PARD3: variants seen among roughly 807,000 people sequenced by gnomAD.
The protein encoded by PARD3 is par-3 family cell polarity regulator.
PARD3 carries 75 observed loss-of-function variants against 155.4 expected under a neutral mutation model. The ratio of observed to expected loss-of-function variants is 0.48; its 90% confidence interval spans 0.40 to 0.58. The LOEUF (loss-of-function observed/expected upper bound fraction) is 0.58, where lower values mean the gene tolerates loss of function less well. Among genes scored for constraint, PARD3 ranks in the 20% least tolerant of loss-of-function variants. The probability of loss-of-function intolerance (pLI) is 0.00; values close to 1 mark genes in which losing one functional copy is unlikely to be tolerated. For synonymous variants in PARD3, 576 were observed against 610.5 expected (o/e 0.94, Z 0.83); for missense variants, 1,642 against 1,721.7 (o/e 0.95, Z 0.82).
intron 12 of PARD3, among the ~76,000 whole-genome samples, chr10:34,366,911 T>C (rs1348509824): frequency 1.3e-5 from 2 of 152,202 alleles, no homozygotes; most frequent in Non-Finnish European, 2.9e-5. Context: ...ATTATAAAGT[T>C]CATTATTCTT....
intron 2 of PARD3, among the ~76,000 whole-genome samples, chr10:34,572,173 A>G (rs899706636): frequency 6.6e-5 from 10 of 152,220 alleles, no homozygotes; most frequent in African/African-American, 2.4e-4. Context: ...CACTAACAAA[A>G]CTAACCAAGA....
chr10:34,597,170 C>T lies in PARD3; in HGVS notation c.223-80011G>A, dbSNP rs185227282. On this transcript the variant is annotated intron_variant, in intron 2 of 24. Transcript: ENST00000374788. The stretch of plus-strand genomic sequence containing the variant: ...TTGGGAAGGGTTTGGTGTTGTCAGT[C>T]GCCTTGGATTTGTGGTGATGGCAGG... 3.1e-3 allele frequency among the ~76,000 whole-genome samples: 473 copies of T among 152,152 alleles called. 7 individuals carry two copies. The highest frequency in any genetic ancestry group is 0.024 in the Middle Eastern group (7 of 294).
intron 3 of PARD3, among the ~76,000 whole-genome samples, chr10:34,480,471 C>G (rs958233126): frequency 2.6e-5 from 4 of 152,166 alleles, no homozygotes; most frequent in African/African-American, 9.7e-5. Flanking sequence ...CTCCTGGCCT[C>G]AAAGTGAAAC....
intron 2 of PARD3, among the ~76,000 whole-genome samples, chr10:34,629,542 A>G (rs1378302155): frequency 6.6e-6 from 1 of 152,248 alleles, no homozygotes; most frequent in Non-Finnish European, 1.5e-5. Flanking sequence ...ATGAAAACTC[A>G]AGAAAGATCA....
At chr10:34,425,899 G>T (rs1309025100) in intron 5 of PARD3, among the ~76,000 whole-genome samples, 2 of 152,138 alleles carry the variant, frequency 1.3e-5, no homozygotes, top group Non-Finnish European at 2.9e-5. Flanking sequence ...TCACTGAAAC[G>T]TTCACAGATG....
intron 23 of PARD3, among the ~76,000 whole-genome samples, chr10:34,123,554 T>C (rs998058368): frequency 2.6e-5 from 4 of 152,150 alleles, no homozygotes. Context: ...CTGTCCTCAG[T>C]AGCCAGGACT....
In PARD3 at chr10:34,523,734, T is replaced by C. The variant is rs1027282962; in HGVS notation, c.223-6575A>G. The stretch of plus-strand genomic sequence containing the variant: ...ATGGGAGAACTAGAGCATAATGAAA[T>C]AAATTTCAAAAACTTAACAATAAAA... On this transcript the variant is annotated intron_variant, in intron 2 of 24. Transcript: ENST00000374788. Among the ~76,000 whole-genome samples, 6 of 152,280 alleles carry C rather than the reference T, an allele frequency of 3.9e-5. No individual in the cohort carries two copies. The East Asian group carries it at 5.8e-4, about 15-fold the overall frequency.
intron 3 of PARD3, among the ~76,000 whole-genome samples, chr10:34,515,329 G>A (rs1325432646): frequency 6.6e-6 from 1 of 152,222 alleles, no homozygotes; most frequent in Non-Finnish European, 1.5e-5. Flanking sequence ...TCTTGCATAT[G>A]TGCATAAATA....
chr10:34,664,706 G>T (rs12242228), intron 2 of PARD3, among the ~76,000 whole-genome samples: 3 of 151,934 alleles, frequency 2.0e-5, no homozygotes, highest in Non-Finnish European at 4.4e-5. Flanking sequence ...GGCTGGTCTC[G>T]AACTCCTGAC....
intron 1 of PARD3, among the ~76,000 whole-genome samples, chr10:34,777,495 C>T (rs1288504370): frequency 2.0e-5 from 3 of 152,180 alleles, no homozygotes; most frequent in Admixed American, 1.3e-4. Context: ...GGCATCCTCA[C>T]AGTGCAGCAC....
intron 20 of PARD3, among the ~76,000 whole-genome samples, chr10:34,307,426 G>A (rs1330237513): frequency 1.3e-5 from 2 of 152,152 alleles, no homozygotes; most frequent in Non-Finnish European, 2.9e-5. Flanking sequence ...AGGGGCTGCT[G>A]CCTCTCGACC....
At chr10:34,679,125 T>G (rs1379307732) in intron 2 of PARD3, among the ~76,000 whole-genome samples, 1 of 152,014 alleles carries the variant, frequency 6.6e-6, no homozygotes, top group Non-Finnish European at 1.5e-5. Context: ...TGCTCAGTCC[T>G]CAAGGAAAGG....
chr10:34,666,816 T>TATATATATATATATACACACAC (rs765552982), intron 2 of PARD3, among the ~76,000 whole-genome samples: 7 of 88,808 alleles, frequency 7.9e-5, no homozygotes, highest in Admixed American at 3.1e-4. Context: ...TATATATATA[T>TATATATATATATATACACACAC]ACACACACAC....
intron 2 of PARD3, among the ~76,000 whole-genome samples, chr10:34,688,546 T>C (rs894601208): frequency 6.6e-6 from 1 of 152,236 alleles, no homozygotes; most frequent in Non-Finnish European, 1.5e-5. Flanking sequence ...ACGACATCAC[T>C]GTTCCAGAAA....
rs747750165 is a variant in PARD3 at position 34,372,499 on chromosome 10, GTT to G, written c.1704_1705del (p.Glu568AspfsTer6). ...TCCTTCAAAAGACAAAGCTCTTACC[GTT>G]TCTTTTGGAATCTGCATCTGGCTTG... On this transcript the variant is annotated frameshift_variant and splice_region_variant, in exon 12 of 25. Transcript: ENST00000374788. LOFTEE classifies it high-confidence loss of function. The G allele has an allele frequency of 5.3e-5, 86 of 1,607,666 alleles. No individual in the cohort carries two copies. The highest frequency in any genetic ancestry group is 7.2e-5 in the Non-Finnish European group (84 of 1,174,514).
At chr10:34,382,486 T>A (rs937235751) in intron 9 of PARD3, 54 bp downstream of exon 9, 2 of 1,558,360 alleles carry the variant, frequency 1.3e-6, no homozygotes, top group East Asian at 4.5e-5. Context: ...TCTACCCTTG[T>A]GTGTTGCTGC....
intron 2 of PARD3, among the ~76,000 whole-genome samples, chr10:34,581,276 C>T (rs1268615147): frequency 7.7e-6 from 1 of 129,350 alleles, no homozygotes. Context: ...ACTCTGTCAC[C>T]CAGGCTGGAG....
chr10:34,414,407 A>G (rs1028019449), intron 5 of PARD3, among the ~76,000 whole-genome samples: 1 of 152,160 alleles, frequency 6.6e-6, no homozygotes, highest in African/African-American at 2.4e-5. Context: ...CTAAAGGAAC[A>G]CTCAGTCGGC....
rs142761444 is a variant in PARD3, at chr10:34,507,320, G to T, written c.403+9659C>A. On this transcript the variant is annotated intron_variant, in intron 3 of 24. Transcript: ENST00000374788. ...TCATCTTAAGAGAGTATTTCTGAGTGGGGTGCAGGGGACAAGAGGGCAGAG... is the reference window on the plus strand; with the variant it reads ...TCATCTTAAGAGAGTATTTCTGAGTTGGGTGCAGGGGACAAGAGGGCAGAG... 1.3e-3 allele frequency among the ~76,000 whole-genome samples: 197 copies of T among 152,136 alleles called. 2 individuals carry two copies. The highest frequency in any genetic ancestry group is 4.5e-3 in the African/African-American group (185 of 41,496).
Sources: gnomAD v4.1 joint callset for allele counts (sites outside exome capture counted in the v4.1 genomes callset) on GRCh38, gnomAD v4.1.1 for gene constraint, MANE v1.5 for transcripts, NCBI Gene and HGNC (gene_info 2026-07-23, HGNC 2026-07-21) for gene names.